The following NBN variants were observed in gnomAD, a reference collection of about 807,000 sequenced individuals.
The protein encoded by NBN is nibrin.
NBN carries 88 observed loss-of-function variants against 90.8 expected under a neutral mutation model. The observed-to-expected ratio is 0.97, with a 90% CI of 0.82 to 1.16. NBN has a LOEUF of 1.16. Ranked by LOEUF, NBN falls within the 50% of genes most tolerant of loss-of-function variation. The pLI, the probability that NBN is intolerant of heterozygous loss-of-function variation, is 0.00. For missense variants in NBN, 894 were observed against 869.6 expected (o/e 1.03, Z -0.35); for synonymous variants, 328 against 295.1 (o/e 1.11, Z -1.14).
intron 2 of NBN, 127 bp from the exon 3 acceptor site, chr8:89,981,650 T>C: frequency 1.1e-6 from 1 of 929,538 alleles, no homozygotes; most frequent in South Asian, 1.5e-5. Flanking sequence ...CAACAATTAC[T>C]GCTTCGGTTG....
intron 10 of NBN, 73 bp from the exon 11 acceptor site, chr8:89,953,764 T>C (rs1333948615): frequency 4.5e-6 from 5 of 1,102,722 alleles, no homozygotes; most frequent in African/African-American, 3.1e-5. Context: ...AGTTTGGCAA[T>C]ATTCATCACT....
chr8:89,956,653 T>C (rs1810729555), intron 9 of NBN, among the ~76,000 whole-genome samples: 2 of 152,226 alleles, frequency 1.3e-5, no homozygotes, highest in Admixed American at 1.3e-4. Context: ...AGTTGAACAA[T>C]TCTTTCCAGT....
chr8:89,935,699 A>G, intron 15 of NBN, 87 bp from the exon 16 acceptor site: 1 of 1,518,228 alleles, frequency 6.6e-7, no homozygotes, highest in Non-Finnish European at 9.1e-7. Flanking sequence ...CTGTAGTCAC[A>G]CTTTGGCAAA....
chr8:89,970,592 TGTA>T (rs761749122), intron 6 of NBN, 35 bp from the exon 7 acceptor site: 20 of 1,586,694 alleles, frequency 1.3e-5, no homozygotes, highest in Admixed American at 1.0e-4. Context: ...TAAAGTAAAA[TGTA>T]GTAATTTTTT....
In NBN at chr8:89,955,422, T is replaced by A; in HGVS notation, c.1258A>T (p.Thr420Ser). ...TTTGGGATTCTCATCTTAGCCAAAG[T>A]ATTTGATACCATACTATTATTATTA... is the stretch of plus-strand genomic sequence containing the variant. ...SSNNNSMVSN[T>S]LAKMRIPNYQ... Residue 420 changes from threonine (T) to serine (S), a missense_variant, in exon 10 of 16, where the codon ACT (threonine) becomes TCT (serine). Transcript: ENST00000265433. The A allele has an allele frequency of 6.2e-7, 1 of 1,613,882 alleles. No homozygotes were observed. The highest frequency in any genetic ancestry group is 8.5e-7 in the Non-Finnish European group (1 of 1,179,846).
intron 1 of NBN, chr8:89,984,116 G>A: frequency 6.7e-6 from 2 of 296,572 alleles, no homozygotes; most frequent in South Asian, 4.3e-5. Flanking sequence ...AAACTGTCCA[G>A]TAGTTCTTCA....
intron 7 of NBN, among the ~76,000 whole-genome samples, chr8:89,968,137 T>C (rs1370579415): frequency 6.6e-6 from 1 of 152,080 alleles, no homozygotes; most frequent in Non-Finnish European, 1.5e-5. Flanking sequence ...TGTACGCCTG[T>C]AGTCCCAGCT....
intron 7 of NBN, among the ~76,000 whole-genome samples, chr8:89,967,038 T>C (rs1811286813): frequency 6.6e-6 from 1 of 152,216 alleles, no homozygotes; most frequent in Non-Finnish European, 1.5e-5. Flanking sequence ...CATCATTTCA[T>C]TCAGTGTCAT....
chr8:89,968,065 C>T (rs1208308245), intron 7 of NBN, among the ~76,000 whole-genome samples: 1 of 152,064 alleles, frequency 6.6e-6, no homozygotes, highest in Non-Finnish European at 1.5e-5. Flanking sequence ...CAAGACCAGC[C>T]TGGGCAACAT....
chr8:89,971,341 T>A, intron 5 of NBN, 51 bp from the exon 6 acceptor site: 1 of 1,551,536 alleles, frequency 6.4e-7, no homozygotes, highest in Non-Finnish European at 8.7e-7. Flanking sequence ...ATGTTTGCTA[T>A]TAAATTGTAA....
At chr8:89,960,524 C>T (rs7008218) in intron 8 of NBN, among the ~76,000 whole-genome samples, 2,033 of 152,128 alleles carry the variant, frequency 0.013, 40 homozygotes, top group African/African-American at 0.046. Context: ...TGGTGGTGCA[C>T]ACCTATAGTC....
intron 14 of NBN, among the ~76,000 whole-genome samples, chr8:89,942,447 C>T (rs1809994128): frequency 6.6e-6 from 1 of 151,986 alleles, no homozygotes; most frequent in Admixed American, 6.6e-5. Flanking sequence ...GATCGAGTTA[C>T]AAAGAAAACA....
chr8:89,949,173 GC>G (rs1321510022), intron 11 of NBN, among the ~76,000 whole-genome samples: 2 of 152,148 alleles, frequency 1.3e-5, no homozygotes, highest in Non-Finnish European at 2.9e-5. Flanking sequence ...AGTCAGAAGA[GC>G]ATGGCAGACC....
At position 89,955,395 on chromosome 8, in the gene NBN, A is replaced by C. The variant is rs587782409; in HGVS notation, c.1285T>G (p.Tyr429Asp). 6.2e-7 allele frequency: 1 copy of C among 1,613,710 alleles called. No individual in the cohort carries two copies. Among genetic ancestry groups the C allele is most frequent in the African/African-American group, 1.3e-5 (1 of 74,884 alleles). Residue 429 changes from tyrosine (Y) to aspartate (D), a missense_variant, in exon 10 of 16, where the codon TAT becomes GAT. Transcript: ENST00000265433. The part of the protein sequence containing the change: ...NTLAKMRIPN[Y>D]QLSPTKLPSI... ...GGCAATTTAGTTGGTGAAAGCTGAT[A>C]GTTTGGGATTCTCATCTTAGCCAAA...
intron 4 of NBN, among the ~76,000 whole-genome samples, chr8:89,978,878 G>C (rs527406607): frequency 2.2e-4 from 33 of 152,278 alleles, no homozygotes; most frequent in African/African-American, 7.7e-4. Context: ...ACTCACATGT[G>C]AATTAAGCTA....
chr8:89,976,478 C>T (rs150703130), intron 5 of NBN, among the ~76,000 whole-genome samples: 62 of 152,204 alleles, frequency 4.1e-4, no homozygotes, highest in Non-Finnish European at 7.5e-4. Context: ...AGCTCGGAAC[C>T]TGGCCTTTAA....
In NBN at chr8:89,981,551, C is replaced by A. The variant is rs2129916935; in HGVS notation, c.172-28G>T. 1 of 1,610,076 alleles carries A rather than the reference C, an allele frequency of 6.2e-7. No individual in the cohort carries two copies. Among genetic ancestry groups the A allele is most frequent in the Admixed American group, 1.7e-5 (1 of 59,986 alleles). On this transcript the variant is annotated intron_variant, in intron 2 of 15. Transcript: ENST00000265433. Reference sequence around the variant, plus strand: ...GAAAAGTTAGCAAATAATTTAAAGTCTTTTACCACTCAGTACATTCACTTC... The same window carrying A: ...GAAAAGTTAGCAAATAATTTAAAGTATTTTACCACTCAGTACATTCACTTC...
Position 89,937,062 on chromosome 8 carries a change from T to A in NBN, c.2198A>T (p.His733Leu). 1.2e-6 allele frequency: 2 copies of A among 1,612,696 alleles called. No individual in the cohort carries two copies. Among genetic ancestry groups the A allele is most frequent in the Non-Finnish European group, 1.7e-6 (2 of 1,179,324 alleles). Residue 733 changes from histidine (H) to leucine (L), a missense_variant, in exon 15 of 16, where the codon CAT becomes CTT. Coordinates refer to ENST00000265433, the MANE Select transcript of NBN (RefSeq NM_002485.5). ...LRQEMEVQNQHAKEESLADDL... is the reference protein window; with the variant it reads ...LRQEMEVQNQLAKEESLADDL... ...ATCAGCAAGAGACTCTTCTTTTGCA[T>A]GTTGATTTTGTACCTGTCAAAATTA...
At chr8:89,965,872 G>T (rs993151071) in intron 7 of NBN, among the ~76,000 whole-genome samples, 1 of 151,968 alleles carries the variant, frequency 6.6e-6, no homozygotes, top group African/African-American at 2.4e-5. Flanking sequence ...TACTTAAATA[G>T]GATTCAGTTA....
Sources: allele counts gnomAD v4.1 joint callset (sites outside exome capture counted in the v4.1 genomes callset), GRCh38; gene constraint gnomAD v4.1.1; transcripts MANE v1.5; gene names NCBI Gene and HGNC (gene_info 2026-07-23, HGNC 2026-07-21).